Variants in CFAP61 observed in about 807,000 individuals in gnomAD.
The protein encoded by CFAP61 is cilia and flagella associated protein 61.
In CFAP61, 107 loss-of-function variants were observed where a neutral mutation model predicts 135.6. That is an observed-to-expected ratio of 0.79 (90% CI 0.67 to 0.93). The LOEUF is 0.93. CFAP61 is among the 40% of genes least tolerant of loss of function. CFAP61 has a pLI of 0.00. For missense variants in CFAP61, 1,507 were observed against 1,556.2 expected, an observed-to-expected ratio of 0.97 and a Z score of 0.53; for synonymous variants, 575 against 578.5, an observed-to-expected ratio of 0.99 and a Z score of 0.09.
intron 25 of CFAP61, among the ~76,000 whole-genome samples, chr20:20,300,604 T>A (rs970109608): frequency 5.9e-5 from 9 of 152,088 alleles, no homozygotes; most frequent in African/African-American, 2.2e-4. Flanking sequence ...TTTTGTTTTT[T>A]TTGTTTTTTT....
At chr20:20,227,023 C>T (rs950243924) in intron 17 of CFAP61, among the ~76,000 whole-genome samples, 1 of 152,226 alleles carries the variant, frequency 6.6e-6, no homozygotes, top group Admixed American at 6.5e-5. Context: ...AAGCCATTTT[C>T]CTTCCTCCAT....
intron 9 of CFAP61, among the ~76,000 whole-genome samples, chr20:20,149,509 A>G (rs1303147865): frequency 6.6e-6 from 1 of 152,234 alleles, no homozygotes; most frequent in Non-Finnish European, 1.5e-5. Flanking sequence ...AATTGCCACA[A>G]GACAGGCGAA....
At chr20:20,233,402 G>A (rs924307761) in intron 18 of CFAP61, among the ~76,000 whole-genome samples, 15 of 152,210 alleles carry the variant, frequency 9.9e-5, no homozygotes, top group African/African-American at 3.4e-4. Context: ...ATTGCGCTGT[G>A]CAAAAACGGC....
intron 18 of CFAP61, among the ~76,000 whole-genome samples, chr20:20,235,152 A>T (rs2049483372): frequency 6.6e-6 from 1 of 152,062 alleles, no homozygotes; most frequent in Non-Finnish European, 1.5e-5. Flanking sequence ...TCCTGGTGAG[A>T]CGTTCCCTGG....
chr20:20,201,486 C>T (rs775019588), intron 17 of CFAP61, among the ~76,000 whole-genome samples: 1 of 152,220 alleles, frequency 6.6e-6, no homozygotes, highest in African/African-American at 2.4e-5. Flanking sequence ...GTCCACAGCA[C>T]TGGAGATGAG....
intron 8 of CFAP61, among the ~76,000 whole-genome samples, chr20:20,139,676 A>G (rs958690026): frequency 6.6e-6 from 1 of 152,158 alleles, no homozygotes; most frequent in African/African-American, 2.4e-5. Flanking sequence ...TCTGAAATGC[A>G]GTCACCTCTA....
At chr20:20,112,605 C>A (rs2048875259) in intron 8 of CFAP61, among the ~76,000 whole-genome samples, 2 of 152,118 alleles carry the variant, frequency 1.3e-5, no homozygotes, top group South Asian at 4.1e-4. Flanking sequence ...AAAGGGTCAT[C>A]ATTCTTCTCC....
chr20:20,055,577 G>T (rs532055672), intron 1 of CFAP61, among the ~76,000 whole-genome samples: 1 of 151,984 alleles, frequency 6.6e-6, no homozygotes, highest in African/African-American at 2.4e-5. Context: ...TCCCTCGCTC[G>T]CTTTCTTTCT....
rs1169477634 is a variant in CFAP61 at position 20,327,798 on chromosome 20, AAAAAAAAC to A, written c.3423-14031_3423-14024del. ...CTGTCAAAAAAAAAAAAAAAAAAAA[AAAAAAAAC>A]AGAAGAAACAGGAGGCTTTGAGGTC... On this transcript the variant is annotated intron_variant, in intron 25 of 26. Transcript: ENST00000245957. Among the ~76,000 whole-genome samples the A allele has an allele frequency of 1.5e-3, 107 of 69,594 alleles. 1 individual carries two copies. The highest frequency in any genetic ancestry group is 7.2e-3 in the African/African-American group (100 of 13,908). The allele number at this position is 69,594 out of a possible 152,430, so 45.7% of individuals were successfully genotyped here.
intron 8 of CFAP61, among the ~76,000 whole-genome samples, chr20:20,104,820 G>A (rs763604199): frequency 3.3e-5 from 5 of 152,120 alleles, no homozygotes; most frequent in Admixed American, 6.5e-5. Flanking sequence ...ACTTGTAGAC[G>A]GCCATCTTCT....
At chr20:20,171,047 C>A (rs1365016270) in intron 13 of CFAP61, among the ~76,000 whole-genome samples, 1 of 152,150 alleles carries the variant, frequency 6.6e-6, no homozygotes, top group Non-Finnish European at 1.5e-5. Flanking sequence ...AGTCCACAGT[C>A]CACACAGCAG....
intron 8 of CFAP61, among the ~76,000 whole-genome samples, chr20:20,099,130 C>CACACACAA (rs1011330870): frequency 6.7e-6 from 1 of 149,474 alleles, no homozygotes; most frequent in African/African-American, 2.5e-5. Flanking sequence ...TCAGGTTTCA[C>CACACACAA]ACACACACAC....
rs111229479 is a variant in CFAP61 at position 20,264,502 on chromosome 20, G to A, written c.2503+1372G>A. Among the ~76,000 whole-genome samples, 1,140 of 152,234 alleles carry A rather than the reference G, an allele frequency of 7.5e-3. 18 individuals carry two copies. The highest frequency in any genetic ancestry group is 0.012 in the Non-Finnish European group (790 of 68,006). On this transcript the variant is annotated intron_variant, in intron 21 of 26. Transcript: ENST00000245957. ...GAATTATTTTCAGTTTTGCATCTAT[G>A]TATGTTTAAACCTGTTTTAGCCTTT...
chr20:20,275,526 C>G (rs1464573852), intron 21 of CFAP61, among the ~76,000 whole-genome samples: 1 of 152,176 alleles, frequency 6.6e-6, no homozygotes, highest in African/African-American at 2.4e-5. Context: ...ACCACCCTTG[C>G]TGGATCAGAC....
At chr20:20,232,574 T>C (rs1215669765) in intron 18 of CFAP61, among the ~76,000 whole-genome samples, 1 of 152,126 alleles carries the variant, frequency 6.6e-6, no homozygotes, top group East Asian at 1.9e-4. Context: ...TCCAGAATTA[T>C]GCAGAACAGC....
intron 17 of CFAP61, chr20:20,225,598 C>T (rs2048688698): frequency 1.3e-5 from 2 of 152,170 alleles, no homozygotes; most frequent in South Asian, 4.1e-4. Context: ...AGGTATAATT[C>T]TTTACTGGAG....
At chr20:20,226,531 T>G (rs2048746044) in intron 17 of CFAP61, among the ~76,000 whole-genome samples, 1 of 152,228 alleles carries the variant, frequency 6.6e-6, no homozygotes, top group Non-Finnish European at 1.5e-5. Context: ...GTATTGCTTA[T>G]ATAACTGAAG....
intron 13 of CFAP61, among the ~76,000 whole-genome samples, chr20:20,180,962 A>G (rs1013189276): frequency 4.6e-5 from 7 of 152,024 alleles, no homozygotes; most frequent in African/African-American, 1.5e-4. Flanking sequence ...TTATGAGAAC[A>G]CATGGACACA....
At chr20:20,158,117 G>T (rs575813205) in intron 9 of CFAP61, among the ~76,000 whole-genome samples, 1 of 151,084 alleles carries the variant, frequency 6.6e-6, no homozygotes, top group African/African-American at 2.4e-5. Flanking sequence ...GGGAGGGATA[G>T]CATTGGGAGA....
Sources: allele counts gnomAD v4.1 joint callset (sites outside exome capture counted in the v4.1 genomes callset), GRCh38; gene constraint gnomAD v4.1.1; transcripts MANE v1.5; gene names NCBI Gene and HGNC (gene_info 2026-07-23, HGNC 2026-07-21).